The following SLC2A5 variants were observed in gnomAD, a reference collection of about 807,000 sequenced individuals.
SLC2A5 encodes solute carrier family 2, facilitated glucose transporter member 5.
A neutral mutation model predicts 50.3 loss-of-function variants in SLC2A5; 56 were observed. That is an observed-to-expected ratio of 1.11 (90% CI 0.90 to 1.39). The LOEUF is 1.39. SLC2A5 is among the 40% of genes most tolerant of loss of function. The probability of loss-of-function intolerance (pLI) is 0.00; values close to 1 mark genes in which losing one functional copy is unlikely to be tolerated. For missense variants in SLC2A5, 566 were observed against 650.1 expected (o/e 0.87, Z 1.41); for synonymous variants, 269 against 281.9 (o/e 0.95, Z 0.46).
intron 1 of SLC2A5, among the ~76,000 whole-genome samples, chr1:9,086,350 C>T (rs1283506444): frequency 4.6e-5 from 7 of 151,406 alleles, no homozygotes; most frequent in Admixed American, 1.3e-4. Context: ...ATTAATCTCC[C>T]GGAAAGCTCA....
At chr1:9,054,833 A>G (rs1201846411) in intron 3 of SLC2A5, among the ~76,000 whole-genome samples, 1 of 152,128 alleles carries the variant, frequency 6.6e-6, no homozygotes, top group Non-Finnish European at 1.5e-5. Context: ...CTGAGGCAGA[A>G]GGATCCCTTA....
chr1:9,041,593 C>G (rs1175777470), intron 5 of SLC2A5, 192 bp downstream of exon 5: 2 of 1,444,080 alleles, frequency 1.4e-6, no homozygotes, highest in Non-Finnish European at 1.8e-6. Flanking sequence ...GCTGGCCAGT[C>G]CCTTATCGCG....
intron 4 of SLC2A5, among the ~76,000 whole-genome samples, chr1:9,044,563 T>G (rs532703942): frequency 4.0e-4 from 61 of 152,018 alleles, no homozygotes; most frequent in Non-Finnish European, 7.9e-4. Context: ...GGTTTGTTTG[T>G]TTTGTTTTTG....
intron 9 of SLC2A5, 75 bp from the exon 10 acceptor site, chr1:9,038,581 C>A: frequency 7.3e-7 from 1 of 1,372,074 alleles, no homozygotes; most frequent in Non-Finnish European, 1.0e-6. Context: ...CCAACCTGCC[C>A]TGGTGGGTGG....
chr1:9,035,696 G>A lies in SLC2A5; in HGVS notation c.*1890C>T, dbSNP rs1221075490. Reference sequence around the variant, plus strand: ...AAAACCTCCAGCTCTCTATATTTTTGGGGAGAGACCTGTGTTAGACCATTT... The same window carrying A: ...AAAACCTCCAGCTCTCTATATTTTTAGGGAGAGACCTGTGTTAGACCATTT... On this transcript the variant is annotated 3_prime_UTR_variant, in exon 12 of 12. Transcript: ENST00000377424. 6.6e-6 allele frequency: 1 copy of A among 152,082 alleles called. No individual in the cohort carries two copies. Among genetic ancestry groups the A allele is most frequent in the Admixed American group, 6.5e-5 (1 of 15,280 alleles). The allele number at this position is 152,082 out of a possible 1,614,324, so 9.4% of individuals were successfully genotyped here.
At chr1:9,091,879 C>T (rs1642465225), upstream of SLC2A5, among the ~76,000 whole-genome samples, 3 of 152,078 alleles carry the variant, frequency 2.0e-5, no homozygotes, top group Admixed American at 2.0e-4. Flanking sequence ...GGCACACCCT[C>T]CCGACAAGCA....
chr1:9,073,364 C>T (rs537167783), upstream of SLC2A5, among the ~76,000 whole-genome samples: 1 of 152,382 alleles, frequency 6.6e-6, no homozygotes, highest in Admixed American at 6.5e-5. Context: ...CCGCTTAATG[C>T]AGTGTATGCA....
intron 3 of SLC2A5, among the ~76,000 whole-genome samples, chr1:9,051,240 G>C (rs969759201): frequency 2.0e-5 from 3 of 148,978 alleles, no homozygotes; most frequent in Admixed American, 6.7e-5. Flanking sequence ...AGGAAGGAAG[G>C]AATGAAGGAA....
At chr1:9,053,487 ATT>A (rs1491563731) in intron 3 of SLC2A5, among the ~76,000 whole-genome samples, 4 of 83,548 alleles carry the variant, frequency 4.8e-5, no homozygotes, top group African/African-American at 1.5e-4. Flanking sequence ...TATATTATAT[ATT>A]TATATATAAT....
chr1:9,043,455 C>T (rs555603140), intron 4 of SLC2A5, among the ~76,000 whole-genome samples: 1 of 152,232 alleles, frequency 6.6e-6, no homozygotes, highest in East Asian at 1.9e-4. Flanking sequence ...AGCAACACCT[C>T]ACAGGCCCAG....
intron 3 of SLC2A5, among the ~76,000 whole-genome samples, chr1:9,053,831 G>A (rs1300497514): frequency 4.0e-5 from 6 of 150,220 alleles, no homozygotes; most frequent in South Asian, 2.1e-4. Flanking sequence ...CCAAGATTGC[G>A]CCATTGCACT....
chr1:9,093,714 A>G, the SLC2A5 span, among the ~76,000 whole-genome samples: 1 of 152,190 alleles, frequency 6.6e-6, no homozygotes, highest in African/African-American at 2.4e-5. Flanking sequence ...CTCAAACTAG[A>G]ACGCTCTATA....
At chr1:9,052,529 T>C (rs1185746193) in intron 3 of SLC2A5, among the ~76,000 whole-genome samples, 3 of 152,034 alleles carry the variant, frequency 2.0e-5, no homozygotes, top group Non-Finnish European at 2.9e-5. Context: ...ACATCAAGAG[T>C]AAACCCTAAT....
chr1:9,066,771 A>C (rs1423076305), intron 1 of SLC2A5, among the ~76,000 whole-genome samples: 1 of 151,782 alleles, frequency 6.6e-6, no homozygotes, highest in Admixed American at 6.6e-5. Context: ...ACTTGAGCCC[A>C]GTAGCCCAAG....
At chr1:9,077,429 C>A (rs1347225318) in intron 2 of SLC2A5, among the ~76,000 whole-genome samples, 3 of 132,874 alleles carry the variant, frequency 2.3e-5, no homozygotes, top group Admixed American at 1.5e-4. Flanking sequence ...AAAAAGAACA[C>A]AAAAAAACAA....
intron 1 of SLC2A5, among the ~76,000 whole-genome samples, chr1:9,063,371 A>T (rs927493173): frequency 6.7e-6 from 1 of 150,244 alleles, no homozygotes; most frequent in Non-Finnish European, 1.5e-5. Context: ...ATTTATTTAA[A>T]TTTTTTTTGT....
rs188122177 is a variant in SLC2A5 at position 9,066,513 on chromosome 1, G to A, written c.33+2991C>T. Among the ~76,000 whole-genome samples the A allele has an allele frequency of 2.9e-3, 443 of 152,304 alleles. 3 individuals carry two copies. The highest frequency in any genetic ancestry group is 0.01 in the African/African-American group (431 of 41,576). ...GCCTCCCAAACTGATGGGATTATAG[G>A]CCAGAGCCACTGCACCTGGCCCTCA... On this transcript the variant is annotated intron_variant, in intron 1 of 11. Coordinates refer to ENST00000377424, the MANE Select transcript of SLC2A5 (RefSeq NM_003039.3).
chr1:9,069,679 G>A, upstream of SLC2A5: 1 of 827,308 alleles, frequency 1.2e-6, no homozygotes, highest in South Asian at 1.6e-5. Context: ...GATTAAGTCA[G>A]AATAACCCTT....
At chr1:9,066,900 C>T (rs958823015) in intron 1 of SLC2A5, among the ~76,000 whole-genome samples, 5 of 151,824 alleles carry the variant, frequency 3.3e-5, no homozygotes, top group African/African-American at 4.8e-5. Context: ...ATTGCTGGAG[C>T]CCCGGACTTC....
Sources: gnomAD v4.1 joint callset for allele counts (sites outside exome capture counted in the v4.1 genomes callset) on GRCh38, gnomAD v4.1.1 for gene constraint, MANE v1.5 for transcripts, NCBI Gene and HGNC (gene_info 2026-07-23, HGNC 2026-07-21) for gene names.